MGLL: variants seen among roughly 807,000 people sequenced by gnomAD.
MGLL encodes monoglyceride lipase.
In MGLL, 7 loss-of-function variants were observed where a neutral mutation model predicts 29.1. The ratio of observed to expected loss-of-function variants is 0.24; its 90% CI spans 0.14 to 0.45. The LOEUF (loss-of-function observed/expected upper bound fraction) is 0.45. MGLL is among the 20% of genes least tolerant of loss of function. MGLL has a pLI of 0.99. For synonymous variants in MGLL, 148 were observed against 168.3 expected, an observed-to-expected ratio of 0.88 and a Z score of 0.93; for missense variants, 356 against 413.6, an observed-to-expected ratio of 0.86 and a Z score of 1.21.
chr3:127,759,088 G>A, intron 3 of MGLL, among the ~76,000 whole-genome samples: 1 of 151,926 alleles, frequency 6.6e-6, no homozygotes, highest in East Asian at 1.9e-4. Flanking sequence ...CACCAAGCCT[G>A]GCTAATTTTT....
chr3:127,735,715 G>A (rs760566837), intron 3 of MGLL: 31 of 1,597,792 alleles, frequency 1.9e-5, no homozygotes, highest in Admixed American at 5.0e-5. Flanking sequence ...CTGGCAAAAG[G>A]TGGGTTTCCA....
At chr3:127,717,394 A>G (rs545304051) in intron 5 of MGLL, among the ~76,000 whole-genome samples, 1 of 152,358 alleles carries the variant, frequency 6.6e-6, no homozygotes, top group African/African-American at 2.4e-5. Context: ...GCTGGTGCTC[A>G]AGCTGACTCG....
intron 2 of MGLL, among the ~76,000 whole-genome samples, chr3:127,814,126 C>T (rs1280326144): frequency 1.3e-5 from 2 of 152,018 alleles, no homozygotes; most frequent in Admixed American, 1.3e-4. Context: ...TTCTCATCAC[C>T]ATATACAAGA....
chr3:127,796,992 T>C (rs1324712261), intron 2 of MGLL, among the ~76,000 whole-genome samples: 1 of 152,138 alleles, frequency 6.6e-6, no homozygotes, highest in Non-Finnish European at 1.5e-5. Context: ...CCTGCTAAGC[T>C]GAGAGGTTCT....
At chr3:127,756,117 T>C (rs571815064) in intron 3 of MGLL, among the ~76,000 whole-genome samples, 2 of 152,348 alleles carry the variant, frequency 1.3e-5, no homozygotes, top group South Asian at 4.1e-4. Context: ...GCTGGAACTC[T>C]CACAGCCATC....
chr3:127,745,729 G>A (rs570901425), intron 3 of MGLL, among the ~76,000 whole-genome samples: 1 of 152,278 alleles, frequency 6.6e-6, no homozygotes, highest in South Asian at 2.1e-4. Flanking sequence ...GGATGCCGGG[G>A]TTCCTGGTGC....
At chr3:127,765,690 C>A (rs778992081) in intron 3 of MGLL, among the ~76,000 whole-genome samples, 1 of 152,208 alleles carries the variant, frequency 6.6e-6, no homozygotes, top group East Asian at 1.9e-4. Context: ...GAAACACGTA[C>A]CCCCAACATC....
intron 3 of MGLL, among the ~76,000 whole-genome samples, chr3:127,743,668 G>A (rs1490897562): frequency 6.7e-5 from 10 of 149,944 alleles, no homozygotes; most frequent in Non-Finnish European, 1.0e-4. Flanking sequence ...GAGAGGCAAT[G>A]TGTTAGACAA....
chr3:127,816,325 G>A (rs1407118747), intron 2 of MGLL, among the ~76,000 whole-genome samples: 1 of 152,192 alleles, frequency 6.6e-6, no homozygotes, highest in Non-Finnish European at 1.5e-5. Context: ...GCAGGGGGTG[G>A]GGGAAAGAAA....
chr3:127,746,739 T>C (rs1241042177), intron 3 of MGLL, among the ~76,000 whole-genome samples: 1 of 152,140 alleles, frequency 6.6e-6, no homozygotes, highest in Non-Finnish European at 1.5e-5. Context: ...GCCACTCCCG[T>C]AGGGAGCCTC....
At chr3:127,740,858 G>A (rs1294914160) in intron 3 of MGLL, among the ~76,000 whole-genome samples, 5 of 152,194 alleles carry the variant, frequency 3.3e-5, no homozygotes, top group Non-Finnish European at 5.9e-5. Flanking sequence ...AACACAGCAC[G>A]GGAAAAGTGT....
intron 7 of MGLL, among the ~76,000 whole-genome samples, chr3:127,693,775 G>A (rs1386407581): frequency 6.6e-6 from 1 of 152,206 alleles, no homozygotes; most frequent in Non-Finnish European, 1.5e-5. Context: ...GCCTTTGCCT[G>A]TCTTGTTCTC....
intron 3 of MGLL, among the ~76,000 whole-genome samples, chr3:127,751,495 G>A (rs978908780): frequency 2.6e-5 from 4 of 151,808 alleles, no homozygotes; most frequent in Admixed American, 2.6e-4. Flanking sequence ...TCTTGCATCT[G>A]TCACCCCAGC....
intron 2 of MGLL, among the ~76,000 whole-genome samples, chr3:127,798,323 A>G (rs1010298881): frequency 3.3e-5 from 5 of 152,176 alleles, no homozygotes; most frequent in Non-Finnish European, 5.9e-5. Flanking sequence ...TTTGGGTGCC[A>G]TAAAACAGGC....
chr3:127,778,485 C>T (rs756224610), intron 3 of MGLL, among the ~76,000 whole-genome samples: 3 of 152,186 alleles, frequency 2.0e-5, no homozygotes, highest in East Asian at 3.9e-4. Flanking sequence ...GCAGATCACA[C>T]GGCTTGGACT....
intron 3 of MGLL, among the ~76,000 whole-genome samples, chr3:127,743,752 G>A (rs962912800): frequency 6.6e-6 from 1 of 152,014 alleles, no homozygotes; most frequent in Non-Finnish European, 1.5e-5. Context: ...CAGGGGCTCT[G>A]CTTTTCTCGC....
intron 3 of MGLL, among the ~76,000 whole-genome samples, chr3:127,763,973 C>T (rs945084420): frequency 6.6e-6 from 1 of 152,188 alleles, no homozygotes; most frequent in Non-Finnish European, 1.5e-5. Context: ...GAGGCTCCAC[C>T]TCCACCCTCC....
chr3:127,789,962 T>A (rs1178568763), intron 2 of MGLL, among the ~76,000 whole-genome samples: 1 of 152,234 alleles, frequency 6.6e-6, no homozygotes, highest in East Asian at 1.9e-4. Flanking sequence ...CTATGTATTT[T>A]TTTATTATCA....
intron 2 of MGLL, among the ~76,000 whole-genome samples, chr3:127,788,484 G>A (rs975011262): frequency 6.6e-6 from 1 of 152,086 alleles, no homozygotes; most frequent in Non-Finnish European, 1.5e-5. Flanking sequence ...ACAACACCAC[G>A]TAATGGTCAG....
Sources: allele counts gnomAD v4.1 joint callset (sites outside exome capture counted in the v4.1 genomes callset), GRCh38; gene constraint gnomAD v4.1.1; transcripts MANE v1.5; gene names NCBI Gene and HGNC (gene_info 2026-07-23, HGNC 2026-07-21).